NOVA1: variants seen among roughly 807,000 people sequenced by gnomAD.
NOVA1 encodes NOVA alternative splicing regulator 1, also known as RNA-binding protein Nova-1.
Under a neutral mutation model 38.0 loss-of-function variants are expected in NOVA1, and 7 were observed. The observed-to-expected ratio is 0.18, with a 90% confidence interval of 0.10 to 0.35. The LOEUF (loss-of-function observed/expected upper bound fraction) is 0.35, where lower values mean the gene tolerates loss of function less well. NOVA1 is among the 10% of genes least tolerant of loss of function. The pLI is 1.00. For synonymous variants in NOVA1, 270 were observed against 232.5 expected (o/e 1.16, Z -1.47); for missense variants, 460 against 616.0 (o/e 0.75, Z 2.68).
chr14:26,517,380 C>G (rs1026740347), intron 2 of NOVA1, among the ~76,000 whole-genome samples: 1 of 152,174 alleles, frequency 6.6e-6, no homozygotes, highest in Non-Finnish European at 1.5e-5. Context: ...TACAAAGCTT[C>G]TTTTCCTCCT....
At chr14:26,449,110 T>C in intron 4 of NOVA1, 147 bp from the exon 5 acceptor site, 1 of 733,832 alleles carries the variant, frequency 1.4e-6, no homozygotes, top group East Asian at 2.8e-5. Flanking sequence ...AAGTGACTTT[T>C]ATCACACTTT....
chr14:26,556,158 A>G (rs946740076), intron 2 of NOVA1, among the ~76,000 whole-genome samples: 45 of 152,180 alleles, frequency 3.0e-4, no homozygotes, highest in African/African-American at 1.1e-3. Flanking sequence ...AACTGATTCT[A>G]AAGATTTATA....
intron 2 of NOVA1, among the ~76,000 whole-genome samples, chr14:26,563,045 T>C (rs1891921267): frequency 1.3e-5 from 2 of 152,242 alleles, no homozygotes; most frequent in South Asian, 2.1e-4. Flanking sequence ...CCCTAGCTTT[T>C]TGCATGATCA....
intron 2 of NOVA1, chr14:26,593,359 T>C (rs951506603): frequency 1.3e-5 from 2 of 151,892 alleles, no homozygotes; most frequent in African/African-American, 2.4e-5. Flanking sequence ...AATTAATGTC[T>C]ATCTGAAGCA....
intron 2 of NOVA1, among the ~76,000 whole-genome samples, chr14:26,571,409 C>T (rs1480335207): frequency 1.3e-5 from 2 of 152,154 alleles, no homozygotes; most frequent in Non-Finnish European, 2.9e-5. Flanking sequence ...AGATATCAGA[C>T]TTAACGATGT....
chr14:26,480,292 T>C (rs1039083351), intron 2 of NOVA1, 149 bp from the exon 3 acceptor site: 5 of 673,686 alleles, frequency 7.4e-6, no homozygotes, highest in Non-Finnish European at 1.2e-5. Flanking sequence ...TATATACATG[T>C]CTCTTCTCAT....
At chr14:26,495,945 C>T (rs1261688345) in intron 2 of NOVA1, among the ~76,000 whole-genome samples, 1,747 of 126,066 alleles carry the variant, frequency 0.014, 30 homozygotes, top group African/African-American at 0.044. Context: ...TGAATAGTGC[C>T]GCAATAAACA....
chr14:26,448,792 G>T lies in NOVA1; in HGVS notation c.691C>A (p.Arg231=). The T allele has an allele frequency of 6.2e-7, 1 of 1,614,016 alleles. No individual in the cohort carries two copies. The highest frequency in any genetic ancestry group is 8.5e-7 in the Non-Finnish European group (1 of 1,180,002). ...TGGATGATAAGTTCAACAGCTTTTCGGTTTTGTTCAGGTTCTCCACTCACA... is the reference window on the plus strand; with the variant it reads ...TGGATGATAAGTTCAACAGCTTTTCTGTTTTGTTCAGGTTCTCCACTCACA... ...VTVSGEPEQN[R]KAVELIIQKI... The change falls in exon 5 of 5, where the codon CGA becomes AGA. Residue 231 remains arginine (R), a synonymous_variant. Transcript: ENST00000539517. This position sits in a 1 kb window ranked among gnomAD's most constrained non-coding sequence, Gnocchi z 5.3.
In NOVA1 at chr14:26,480,096, T is replaced by G; in HGVS notation, c.328A>C (p.Asn110His). ...TCTGCAATGAATCCATGAACTGCAT[T>G]CAGTGCTTCAACCGTTCCCTGGATC... ...CLIQGTVEAL[N>H]AVHGFIAEKI... The change falls in exon 3 of 5, where the codon AAT becomes CAT. Residue 110 changes from asparagine (N) to histidine (H), a missense_variant. Physicochemically the swap from Asn to His is moderately conservative, Grantham distance 68. Transcript: ENST00000539517. 1 of 1,614,068 alleles carries G rather than the reference T, an allele frequency of 6.2e-7. No homozygotes were observed. Among genetic ancestry groups the G allele is most frequent in the Non-Finnish European group, 8.5e-7 (1 of 1,179,952 alleles).
intron 4 of NOVA1, among the ~76,000 whole-genome samples, chr14:26,463,372 T>C (rs1001973771): frequency 6.6e-6 from 1 of 152,200 alleles, no homozygotes; most frequent in African/African-American, 2.4e-5. Flanking sequence ...ATGTGTATTA[T>C]ACACAAACAT....
chr14:26,569,002 A>C (rs1036252543), intron 2 of NOVA1, among the ~76,000 whole-genome samples: 2 of 152,288 alleles, frequency 1.3e-5, no homozygotes, highest in Non-Finnish European at 1.5e-5. Context: ...CCCAACTATA[A>C]ATGACAACTA....
chr14:26,595,023 C>G (rs538276970), intron 2 of NOVA1, among the ~76,000 whole-genome samples: 10 of 152,122 alleles, frequency 6.6e-5, no homozygotes, highest in Non-Finnish European at 1.3e-4. Context: ...AAGAAGCCTC[C>G]CTACCCCCCT....
At chr14:26,544,177 A>AAAAAAAG (rs1203844949) in intron 2 of NOVA1, among the ~76,000 whole-genome samples, 3 of 152,046 alleles carry the variant, frequency 2.0e-5, no homozygotes, top group African/African-American at 7.2e-5. Context: ...AAAGGACTAT[A>AAAAAAAG]AAAAAAGAAA....
intron 2 of NOVA1, among the ~76,000 whole-genome samples, chr14:26,564,282 C>A (rs1891998083): frequency 6.6e-6 from 1 of 152,140 alleles, no homozygotes; most frequent in Non-Finnish European, 1.5e-5. Flanking sequence ...ACGGTACTAA[C>A]AGCATAATAG....
At chr14:26,564,655 C>G (rs1892027330) in intron 2 of NOVA1, among the ~76,000 whole-genome samples, 1 of 152,152 alleles carries the variant, frequency 6.6e-6, no homozygotes, top group Non-Finnish European at 1.5e-5. Context: ...GATCAAGGAA[C>G]TTGTACAAAA....
intron 2 of NOVA1, among the ~76,000 whole-genome samples, chr14:26,577,398 T>C (rs1168713920): frequency 6.6e-6 from 1 of 152,112 alleles, no homozygotes; most frequent in Non-Finnish European, 1.5e-5. Context: ...AAATTGTAAA[T>C]AGTTTGTGAG....
chr14:26,485,376 T>C (rs1885801625), intron 2 of NOVA1, among the ~76,000 whole-genome samples: 1 of 152,140 alleles, frequency 6.6e-6, no homozygotes, highest in Non-Finnish European at 1.5e-5. Flanking sequence ...CGGAAAATGA[T>C]TTAAAAACTA....
intron 2 of NOVA1, among the ~76,000 whole-genome samples, chr14:26,481,531 A>G (rs1031788241): frequency 4.6e-5 from 7 of 152,100 alleles, no homozygotes; most frequent in African/African-American, 1.7e-4. Flanking sequence ...ACTTAGAGAT[A>G]TACCTAAATA....
intron 2 of NOVA1, among the ~76,000 whole-genome samples, chr14:26,584,045 T>C (rs1893377332): frequency 6.6e-6 from 1 of 151,566 alleles, no homozygotes; most frequent in South Asian, 2.1e-4. Flanking sequence ...TCTTCTTGTA[T>C]ATGATCTGAA....
Sources: gnomAD v4.1 joint callset for allele counts (sites outside exome capture counted in the v4.1 genomes callset) on GRCh38, gnomAD v4.1.1 for gene constraint, Gnocchi (gnomAD v3.1) non-coding constraint, MANE v1.5 for transcripts, NCBI Gene and HGNC (gene_info 2026-07-23, HGNC 2026-07-21) for gene names.